Variants in PUS3 observed in about 807,000 individuals in gnomAD.
The protein encoded by PUS3 is pseudouridine synthase 3, also known as tRNA pseudouridine(38/39) synthase.
PUS3 carries 36 observed loss-of-function variants against 43.3 expected under a neutral mutation model. That is an observed-to-expected ratio of 0.83 (90% CI 0.64 to 1.10). The LOEUF is 1.10. Among genes scored for constraint, PUS3 ranks in the 50% least tolerant of loss-of-function variants. PUS3 has a pLI of 0.00. For missense variants in PUS3, 544 were observed against 589.9 expected (o/e 0.92, Z 0.81); for synonymous variants, 183 against 199.2 (o/e 0.92, Z 0.69).
At chr11:125,895,196 T>C (rs1372060125) in intron 3 of PUS3, 28 bp downstream of exon 3, 3 of 1,520,604 alleles carry the variant, frequency 2.0e-6, no homozygotes, top group Non-Finnish European at 2.6e-6. Flanking sequence ...TACAGGCATG[T>C]GCCATTTATT....
In PUS3 at chr11:125,895,386, G is replaced by T. The variant is rs766727713; in HGVS notation, c.782C>A (p.Pro261His). The T allele has an allele frequency of 6.2e-7, 1 of 1,614,176 alleles. No individual in the cohort carries two copies. The highest frequency in any genetic ancestry group is 1.1e-5 in the South Asian group (1 of 91,080). The change falls in exon 3 of 4, where the codon CCT becomes CAT. Residue 261 changes from proline to histidine, a missense_variant. Coordinates refer to ENST00000227474, the MANE Select transcript of PUS3 (RefSeq NM_031307.4). The stretch of plus-strand genomic sequence containing the variant: ...CACTTCAAACTGACATAACTGGAAA[G>T]GTTCTTGCCATCTCCCCTCACCTGG... ...QSPGEGRWQE[P>H]FQLCQFEVTG...
rs747466937 is a variant in PUS3 at position 125,893,574 on chromosome 11, C to T, written c.*211G>A. The T allele has an allele frequency of 2.5e-5, 11 of 442,422 alleles. No homozygotes were observed. Among genetic ancestry groups the T allele is most frequent in the South Asian group, 1.5e-4 (3 of 19,554 alleles). 27.4% of individuals were successfully genotyped at this position (442,422 alleles called of 1,614,324 possible). ...ACATCTCCATTTTACGTTCTTTAAT[C>T]GCTTAATCCTTTTGGACCGGGATAA... On this transcript the variant is annotated 3_prime_UTR_variant, in exon 4 of 4. Coordinates refer to ENST00000227474, the MANE Select transcript of PUS3 (RefSeq NM_031307.4).
chr11:125,895,455 T>C lies in PUS3; in HGVS notation c.713A>G (p.Gln238Arg), dbSNP rs1048501650. 1.2e-6 allele frequency: 2 copies of C among 1,614,042 alleles called. No homozygotes were observed. Among genetic ancestry groups the C allele is most frequent in the African/African-American group, 2.7e-5 (2 of 74,948 alleles). ...TACTTGAGCAGATAGAATAGTCCTCTGAAAATTAATCACACCGTTGGCTAC... is the reference window on the plus strand; with the variant it reads ...TACTTGAGCAGATAGAATAGTCCTCCGAAAATTAATCACACCGTTGGCTAC... The part of the protein sequence containing the change: ...MDVANGVINF[Q>R]RTILSAQVQL... The change falls in exon 3 of 4, where the codon CAG becomes CGG. Residue 238 changes from glutamine to arginine, a missense_variant. Physicochemically the swap from Gln to Arg is conservative, Grantham distance 43 (BLOSUM62 1). Coordinates refer to ENST00000227474, the MANE Select transcript of PUS3 (RefSeq NM_031307.4).
intron 1 of PUS3, 81 bp downstream of exon 1, chr11:125,903,089 A>C (rs2134268058): frequency 1.5e-6 from 1 of 671,230 alleles, no homozygotes; most frequent in Non-Finnish European, 1.8e-6. Context: ...AAGACAACAG[A>C]CAACCGTTCA....
chr11:125,899,470 G>C lies in PUS3; in HGVS notation c.-46-3140C>G. ...CTTTTACCCACATCTGTGCAGGGCA[G>C]GGTGAAGGAGATGTCAGGAGAGAAG... is the stretch of plus-strand genomic sequence containing the variant. On this transcript the variant is annotated intron_variant, in intron 1 of 3. Coordinates refer to ENST00000227474, the MANE Select transcript of PUS3 (RefSeq NM_031307.4). The C allele has an allele frequency of 1.9e-6, 3 of 1,614,216 alleles. No homozygotes were observed. The South Asian group carries it at 3.3e-5, about 18-fold the overall frequency.
At chr11:125,899,445 C>G in intron 1 of PUS3, 1 of 1,614,166 alleles carries the variant, frequency 6.2e-7, no homozygotes, top group Non-Finnish European at 8.5e-7. Context: ...GCTGCTACAG[C>G]TTTTACCCAC....
chr11:125,894,040 C>CTA lies in PUS3; in HGVS notation c.1190_1191insTA (p.Lys397AsnfsTer8). 2 of 1,614,178 alleles carry CTA rather than the reference C, an allele frequency of 1.2e-6. No individual in the cohort carries two copies. The highest frequency in any genetic ancestry group is 1.7e-6 in the Non-Finnish European group (2 of 1,180,022). On this transcript the variant is annotated frameshift_variant, in exon 4 of 4. Coordinates refer to ENST00000227474, the MANE Select transcript of PUS3 (RefSeq NM_031307.4). LOFTEE classifies it high-confidence loss of function. ...CTCCTTCTACAAAGGCACTGGTCTG[C>CTA]TTTATGACAGAGGGCTTAACATTTC...
At chr11:125,902,142 T>C (rs1195496458) in intron 1 of PUS3, among the ~76,000 whole-genome samples, 5 of 152,076 alleles carry the variant, frequency 3.3e-5, no homozygotes, top group Admixed American at 3.3e-4. Context: ...ACTACAGTGC[T>C]TTTTCCAGCA....
At chr11:125,894,608 A>G (rs1342534479) in intron 3 of PUS3, among the ~76,000 whole-genome samples, 1 of 152,236 alleles carries the variant, frequency 6.6e-6, no homozygotes, top group African/African-American at 2.4e-5. Flanking sequence ...GCAATTTTGT[A>G]TAGTATGAGT....
At position 125,895,394 on chromosome 11, in the gene PUS3, C is replaced by G; in HGVS notation, c.774G>C (p.Trp258Cys). 1 of 1,614,116 alleles carries G rather than the reference C, an allele frequency of 6.2e-7. No individual in the cohort carries two copies. Among genetic ancestry groups the G allele is most frequent in the African/African-American group, 1.3e-5 (1 of 75,066 alleles). Reference protein sequence around the residue: ...LVGQSPGEGRWQEPFQLCQFE... With the variant: ...LVGQSPGEGRCQEPFQLCQFE... ...ACTGACATAACTGGAAAGGTTCTTG[C>G]CATCTCCCCTCACCTGGGCTCTGGC... is the stretch of plus-strand genomic sequence containing the variant. Residue 258 changes from tryptophan to cysteine, a missense_variant, in exon 3 of 4, where the codon TGG becomes TGC. Physicochemically the swap from Trp to Cys is radical, Grantham distance 215 (BLOSUM62 -2). Coordinates refer to ENST00000227474, the MANE Select transcript of PUS3 (RefSeq NM_031307.4).
intron 1 of PUS3, among the ~76,000 whole-genome samples, chr11:125,898,367 T>G (rs1261269479): frequency 6.6e-6 from 1 of 152,144 alleles, no homozygotes; most frequent in Non-Finnish European, 1.5e-5. Flanking sequence ...TAAACAGATT[T>G]AGCTGGCAAC....
chr11:125,899,414 C>A (rs546930103), intron 1 of PUS3: 1 of 1,614,006 alleles, frequency 6.2e-7, no homozygotes, highest in East Asian at 2.2e-5. Flanking sequence ...TAATATGGAT[C>A]CAGAAGAACG....
At chr11:125,900,219 C>G in intron 1 of PUS3, 3 of 1,614,156 alleles carry the variant, frequency 1.9e-6, no homozygotes, top group Non-Finnish European at 2.5e-6. Flanking sequence ...TGTGACCTTG[C>G]AAATGGTGTC....
chr11:125,893,807 G>A lies in PUS3; in HGVS notation c.1424C>T (p.Thr475Ile), dbSNP rs1944483297. 4 of 1,610,414 alleles carry A rather than the reference G, an allele frequency of 2.5e-6. No individual in the cohort carries two copies. Among genetic ancestry groups the A allele is most frequent in the Non-Finnish European group, 3.4e-6 (4 of 1,178,604 alleles). Reference protein sequence around the residue: ...ETPTKRVCVDTEIKSII With the variant: ...ETPTKRVCVDIEIKSII Reference sequence around the variant, plus strand: ...TGGTTAAATGATGCTTTTAATTTCTGTGTCAACACAGACCCTCTTCGTTGG... The same window carrying A: ...TGGTTAAATGATGCTTTTAATTTCTATGTCAACACAGACCCTCTTCGTTGG... The change falls in exon 4 of 4, where the codon ACA becomes ATA. Residue 475 changes from threonine (T) to isoleucine (I), a missense_variant. Thr to Ile is a moderately conservative substitution (Grantham distance 89). Transcript: ENST00000227474.
intron 1 of PUS3, chr11:125,899,627 C>T (rs768247584): frequency 1.2e-6 from 2 of 1,614,032 alleles, no homozygotes; most frequent in African/African-American, 1.3e-5. Flanking sequence ...TGAGGCCTCC[C>T]AAAGACTCCG....
At chr11:125,897,469 G>A (rs753492142) in intron 1 of PUS3, among the ~76,000 whole-genome samples, 11 of 150,692 alleles carry the variant, frequency 7.3e-5, no homozygotes, top group Non-Finnish European at 1.5e-4. Flanking sequence ...GGTAAAGTGC[G>A]ACCTTCCTCA....
At chr11:125,902,976 A>C (rs1944818305) in intron 1 of PUS3, among the ~76,000 whole-genome samples, 194 bp downstream of exon 1, 1 of 152,108 alleles carries the variant, frequency 6.6e-6, no homozygotes, top group East Asian at 1.9e-4. Context: ...AGCTCCAGAA[A>C]GTACCAGGCA....
chr11:125,894,383 G>A (rs1239598344), intron 3 of PUS3, 97 bp from the exon 4 acceptor site: 2 of 957,494 alleles, frequency 2.1e-6, no homozygotes, highest in Non-Finnish European at 3.1e-6. Flanking sequence ...AGCCGGGTAG[G>A]GCGCCACCAT....
At position 125,894,220 on chromosome 11, in the gene PUS3, G is replaced by T; in HGVS notation, c.1011C>A (p.Asp337Glu). ...TAATATTGAACTCCTGAGCCTCCTGGTCATAGATCCACTTGACATTTTCAA... is the reference window on the plus strand; with the variant it reads ...TAATATTGAACTCCTGAGCCTCCTGTTCATAGATCCACTTGACATTTTCAA... ...CKFENVKWIY[D>E]QEAQEFNITH... is the part of the protein sequence containing the mutation. The change falls in exon 4 of 4, where the codon GAC becomes GAA. Residue 337 changes from aspartate (D) to glutamate (E), a missense_variant. By Grantham distance (45) the Asp-to-Glu change is conservative. Coordinates refer to ENST00000227474, the MANE Select transcript of PUS3 (RefSeq NM_031307.4). 6.2e-7 allele frequency: 1 copy of T among 1,613,196 alleles called. No homozygotes were observed. Among genetic ancestry groups the T allele is most frequent in the Non-Finnish European group, 8.5e-7 (1 of 1,179,270 alleles).
Sources: allele counts gnomAD v4.1 joint callset (sites outside exome capture counted in the v4.1 genomes callset), GRCh38; gene constraint gnomAD v4.1.1; transcripts MANE v1.5; gene names NCBI Gene and HGNC (gene_info 2026-07-23, HGNC 2026-07-21).